Variants in OR52A5 observed in about 807,000 individuals in gnomAD.
OR52A5 encodes olfactory receptor 52A5.
OR52A5 carries 16 observed loss-of-function variants against 18.2 expected under a neutral mutation model. The observed-to-expected ratio is 0.88, with a 90% CI of 0.60 to 1.34. OR52A5 has a LOEUF of 1.34. Ranked by LOEUF, OR52A5 falls within the 40% of genes most tolerant of loss-of-function variation. The pLI is 0.00. For synonymous variants in OR52A5, 140 were observed against 137.2 expected, an observed-to-expected ratio of 1.02 and a Z score of -0.14; for missense variants, 418 against 383.0, an observed-to-expected ratio of 1.09 and a Z score of -0.76.
chr11:5,134,428 CTCTT>C (rs1339600424), intron 1 of OR52A5, among the ~76,000 whole-genome samples: 1 of 152,076 alleles, frequency 6.6e-6, no homozygotes, highest in African/African-American at 2.4e-5. Context: ...ACAGAAGCAT[CTCTT>C]TCTTTCTTTC....
chr11:5,137,595 C>A (rs1846404327), intron 1 of OR52A5, among the ~76,000 whole-genome samples: 1 of 151,724 alleles, frequency 6.6e-6, no homozygotes, highest in Admixed American at 6.6e-5. Context: ...ATATAGAGCT[C>A]CAAACTGCCT....
chr11:5,130,760 C>T lies in OR52A5; in HGVS notation c.*932G>A, dbSNP rs1846329294. On this transcript the variant is annotated 3_prime_UTR_variant, in exon 2 of 2. Coordinates refer to ENST00000307388, the MANE Select transcript of OR52A5 (RefSeq NM_001005160.3). ...CATATTATTTCTTTCTTTGACCATG[C>T]ATCTTTTCAAAATTAGTGATTCAGA... 6.6e-6 allele frequency: 1 copy of T among 151,998 alleles called. No homozygotes were observed. Among genetic ancestry groups the T allele is most frequent in the Admixed American group, 6.6e-5 (1 of 15,262 alleles). The allele number at this position is 151,998 out of a possible 1,614,324, so 9.4% of individuals were successfully genotyped here.
At position 5,129,832 on chromosome 11, in the gene OR52A5, T is replaced by TGTGCTGGA. The variant is rs1273415625; in HGVS notation, c.*1859_*1860insTCCAGCAC. 3 of 152,180 alleles carry TGTGCTGGA rather than the reference T, an allele frequency of 2.0e-5. No individual in the cohort carries two copies. Among genetic ancestry groups the TGTGCTGGA allele is most frequent in the African/African-American group, 7.2e-5 (3 of 41,442 alleles). The allele number at this position is 152,180 out of a possible 1,614,324, so 9.4% of individuals were successfully genotyped here. A position where few individuals can be genotyped will look rare whatever the true frequency, so the allele number is the denominator to read the frequency against. ...AAATCAGCTGGACCAGGTGCTGTAC[T>TGTGCTGGA]CCATGTGGAAATTGCTTCAGCTGGG... On this transcript the variant is annotated 3_prime_UTR_variant, in exon 2 of 2. Transcript: ENST00000307388.
At chr11:5,137,515 T>C (rs542586467) in intron 1 of OR52A5, among the ~76,000 whole-genome samples, 16 of 149,866 alleles carry the variant, frequency 1.1e-4, no homozygotes, top group African/African-American at 3.9e-4. Flanking sequence ...TCCCTCTCTC[T>C]CTTTTTTTTT....
intron 1 of OR52A5, among the ~76,000 whole-genome samples, chr11:5,133,108 G>A (rs575383628): frequency 8.5e-5 from 13 of 152,088 alleles, no homozygotes; most frequent in Non-Finnish European, 1.2e-4. Context: ...AGTGGCTCAC[G>A]CCTGTAATCC....
At chr11:5,135,688 T>G (rs1846387080) in intron 1 of OR52A5, among the ~76,000 whole-genome samples, 1 of 152,220 alleles carries the variant, frequency 6.6e-6, no homozygotes, top group Non-Finnish European at 1.5e-5. Context: ...AACCTCTTAC[T>G]GCAACTCAGA....
chr11:5,138,045 C>T (rs1264166233), intron 1 of OR52A5: 1 of 152,072 alleles, frequency 6.6e-6, no homozygotes, highest in Non-Finnish European at 1.5e-5. Flanking sequence ...GCTTATCAGC[C>T]CAGATAATCA....
chr11:5,137,950 A>G (rs1328402247), intron 1 of OR52A5, among the ~76,000 whole-genome samples: 1 of 152,224 alleles, frequency 6.6e-6, no homozygotes, highest in African/African-American at 2.4e-5. Flanking sequence ...CACATATTTG[A>G]TGACACAGTG....
chr11:5,132,232 G>C lies in OR52A5; in HGVS notation c.411C>G (p.Ile137Met). 6.2e-7 allele frequency: 1 copy of C among 1,614,174 alleles called. No individual in the cohort carries two copies. Among genetic ancestry groups the C allele is most frequent in the Non-Finnish European group, 8.5e-7 (1 of 1,180,036 alleles). ...TATGAGTTAAGAACTGCTGGGAAAA[G>C]ATGGTGGCATGTCTCAAGGGGATAC... Reference protein sequence around the residue: ...AICIPLRHATIFSQQFLTHIG... With the variant: ...AICIPLRHATMFSQQFLTHIG... Residue 137 changes from isoleucine to methionine, a missense_variant, in exon 2 of 2, where the codon ATC becomes ATG. Coordinates refer to ENST00000307388, the MANE Select transcript of OR52A5 (RefSeq NM_001005160.3).
chr11:5,134,577 A>G (rs1846373962), intron 1 of OR52A5, among the ~76,000 whole-genome samples: 1 of 152,156 alleles, frequency 6.6e-6, no homozygotes, highest in African/African-American at 2.4e-5. Flanking sequence ...TATTTATTCC[A>G]TATTTATTAA....
intron 1 of OR52A5, among the ~76,000 whole-genome samples, chr11:5,134,448 A>G (rs1846372943): frequency 6.6e-6 from 1 of 152,134 alleles, no homozygotes. Flanking sequence ...CTTTCCATAA[A>G]ACTTATCCAA....
Position 5,131,974 on chromosome 11 carries a change from T to C in OR52A5, c.669A>G (p.Gln223=). 2.5e-6 allele frequency: 4 copies of C among 1,614,154 alleles called. No homozygotes were observed. The South Asian group carries it at 3.3e-5, about 13-fold the overall frequency. The change falls in exon 2 of 2, where the codon CAA becomes CAG. Residue 223 remains glutamine (Q), a synonymous_variant. Transcript: ENST00000307388. ...GCAGCTGAAAGACAGTGATAAAAAT[T>C]TGGACATAGGACAAGGTTATAAATA... ...DIIFITLSYV[Q]IFITVFQLPQ...
chr11:5,135,525 T>C (rs1015536722), intron 1 of OR52A5, among the ~76,000 whole-genome samples: 1 of 152,150 alleles, frequency 6.6e-6, no homozygotes, highest in Non-Finnish European at 1.5e-5. Context: ...GTTCAGGCCA[T>C]GAAGGGAAGT....
chr11:5,133,363 C>CAAAAAGAAA (rs1846361610), intron 1 of OR52A5, among the ~76,000 whole-genome samples: 1 of 62,408 alleles, frequency 1.6e-5, no homozygotes, highest in Admixed American at 2.1e-4. Flanking sequence ...GCGAGACTGT[C>CAAAAAGAAA]AAAAAAAAAA....
rs1162529626 is a variant in OR52A5, at chr11:5,130,619, T to TA, written c.*1072dup. 2 of 152,092 alleles carry TA rather than the reference T, an allele frequency of 1.3e-5. No homozygotes were observed. The highest frequency in any genetic ancestry group is 2.9e-5 in the Non-Finnish European group (2 of 67,962). 9.4% of individuals were successfully genotyped at this position (152,092 alleles called of 1,614,324 possible). A position where few individuals can be genotyped will look rare whatever the true frequency, so the allele number is the denominator to read the frequency against. Reference sequence around the variant, plus strand: ...AATATAATGTTTACATAAACTTTATTAAAAAAATTATGACTCAAAGTCATT... The same window carrying TA: ...AATATAATGTTTACATAAACTTTATTAAAAAAAATTATGACTCAAAGTCATT... On this transcript the variant is annotated 3_prime_UTR_variant, in exon 2 of 2. Transcript: ENST00000307388.
intron 1 of OR52A5, among the ~76,000 whole-genome samples, chr11:5,136,630 A>T (rs1846394988): frequency 6.6e-6 from 1 of 152,234 alleles, no homozygotes; most frequent in Non-Finnish European, 1.5e-5. Context: ...TATGTATGTT[A>T]AATCAAACTG....
At chr11:5,134,071 G>A (rs1846369771) in intron 1 of OR52A5, among the ~76,000 whole-genome samples, 1 of 152,188 alleles carries the variant, frequency 6.6e-6, no homozygotes, top group Non-Finnish European at 1.5e-5. Flanking sequence ...AAGTGTCAGT[G>A]TAGAGTGGCT....
rs747455087 is a variant in OR52A5 at position 5,132,082 on chromosome 11, G to A, written c.561C>T (p.Ile187=). 1.8e-5 allele frequency: 29 copies of A among 1,614,128 alleles called. No homozygotes were observed. The highest frequency in any genetic ancestry group is 1.6e-4 in the Middle Eastern group (1 of 6,062). The change falls in exon 2 of 2, where the codon ATC becomes ATT. Residue 187 remains isoleucine (I), a synonymous_variant. Coordinates refer to ENST00000307388, the MANE Select transcript of OR52A5 (RefSeq NM_001005160.3). ...ISHSYCEHMA[I]VKLATEDIRV... Reference sequence around the variant, plus strand: ...GGATATCTTCAGTAGCCAGCTTCACGATGGCCATGTGCTCACAGTAAGAGT... The same window carrying A: ...GGATATCTTCAGTAGCCAGCTTCACAATGGCCATGTGCTCACAGTAAGAGT...
Position 5,130,079 on chromosome 11 carries a change from TG to T in OR52A5, c.*1612del, listed in dbSNP as rs1432690339. ...TTGTCTTCCCTCATACTCCAGAGAA[TG>T]AAAAAAAAATATGTCTTTTAGGATA... is the stretch of plus-strand genomic sequence containing the variant. On this transcript the variant is annotated 3_prime_UTR_variant, in exon 2 of 2. Transcript: ENST00000307388. The T allele has an allele frequency of 6.6e-6, 1 of 151,770 alleles. No homozygotes were observed. Among genetic ancestry groups the T allele is most frequent in the Non-Finnish European group, 1.5e-5 (1 of 67,862 alleles). The allele number at this position is 151,770 out of a possible 1,614,324, so 9.4% of individuals were successfully genotyped here.
Sources: gnomAD v4.1 joint callset for allele counts (sites outside exome capture counted in the v4.1 genomes callset) on GRCh38, gnomAD v4.1.1 for gene constraint, MANE v1.5 for transcripts, NCBI Gene and HGNC (gene_info 2026-07-23, HGNC 2026-07-21) for gene names.